The following STEAP4 variants were observed in gnomAD, a reference collection of about 807,000 sequenced individuals.
STEAP4 encodes the protein metalloreductase STEAP4.
In STEAP4, 36 loss-of-function variants were observed where a neutral mutation model predicts 43.6. That is an observed-to-expected ratio of 0.83 (90% CI 0.63 to 1.09). STEAP4 has a LOEUF of 1.09. STEAP4 is among the 50% of genes least tolerant of loss of function. STEAP4 has a pLI of 0.00. For missense variants in STEAP4, 495 were observed against 546.5 expected, an observed-to-expected ratio of 0.91 and a Z score of 0.94; for synonymous variants, 191 against 196.7, an observed-to-expected ratio of 0.97 and a Z score of 0.24.
intron 1 of STEAP4, among the ~76,000 whole-genome samples, chr7:88,287,497 C>T (rs977430558): frequency 1.3e-5 from 2 of 152,088 alleles, no homozygotes; most frequent in Middle Eastern, 3.2e-3. Flanking sequence ...ATGGGAGACA[C>T]GAGTATTATT....
At chr7:88,287,107 G>C (rs1209744890) in intron 1 of STEAP4, among the ~76,000 whole-genome samples, 2 of 152,094 alleles carry the variant, frequency 1.3e-5, no homozygotes, top group Admixed American at 6.6e-5. Flanking sequence ...TAGCTGCCTG[G>C]AATACTCACC....
rs993785012 is a variant in STEAP4, at chr7:88,275,473, T to C, written c.*3925A>G. 2.0e-5 allele frequency: 3 copies of C among 152,140 alleles called. No individual in the cohort carries two copies. The highest frequency in any genetic ancestry group is 2.9e-5 in the Non-Finnish European group (2 of 68,038). The allele number at this position is 152,140 out of a possible 1,614,324, so 9.4% of individuals were successfully genotyped here. On this transcript the variant is annotated 3_prime_UTR_variant, in exon 5 of 5. Transcript: ENST00000380079. ...GCTTCTGATACATTGAAGAGTAACTTATACTCTTTTCCCAAATTCTACTGA... is the reference window on the plus strand; with the variant it reads ...GCTTCTGATACATTGAAGAGTAACTCATACTCTTTTCCCAAATTCTACTGA...
At position 88,304,447 on chromosome 7, in the gene STEAP4, A is replaced by C. The variant is rs183981640; in HGVS notation, c.-3+2345T>G. 3 of 152,312 alleles carry C rather than the reference A, an allele frequency of 2.0e-5. No homozygotes were observed. In the East Asian group the frequency reaches 5.8e-4, roughly 29 times the overall value. The allele number at this position is 152,312 out of a possible 1,614,324, so 9.4% of individuals were successfully genotyped here. ...ACTTACAACAAAAAAACAAACAAAC[A>C]AACAAAATCCCACCCAGAAAACTTC... On this transcript the variant is annotated intron_variant, in intron 1 of 4. Transcript: ENST00000380079.
At chr7:88,303,887 C>G (rs1853081881) in intron 1 of STEAP4, 1 of 152,100 alleles carries the variant, frequency 6.6e-6, no homozygotes, top group African/African-American at 2.4e-5. Context: ...CTGATTTCTT[C>G]TTAACAAAAG....
rs1852684246 is a variant in STEAP4, at chr7:88,284,196, A to G, written c.74T>C (p.Phe25Ser). The G allele has an allele frequency of 1.9e-6, 3 of 1,614,124 alleles. No individual in the cohort carries two copies. The highest frequency in any genetic ancestry group is 1.7e-4 in the Middle Eastern group (1 of 6,058). Residue 25 changes from phenylalanine (F) to serine (S), a missense_variant, in exon 2 of 5, where the codon TTT becomes TCT. Physicochemically the swap from Phe to Ser is radical, Grantham distance 155. Transcript: ENST00000380079. ...SSEKQETVCI[F>S]GTGDFGRSLG... Reference sequence around the variant, plus strand: ...TGATCTTCCAAAATCACCAGTTCCAAAAATACATACAGTCTCTTGCTTTTC... The same window carrying G: ...TGATCTTCCAAAATCACCAGTTCCAGAAATACATACAGTCTCTTGCTTTTC...
intron 1 of STEAP4, among the ~76,000 whole-genome samples, chr7:88,291,689 C>T (rs1446665168): frequency 6.6e-6 from 1 of 151,886 alleles, no homozygotes; most frequent in Non-Finnish European, 1.5e-5. Flanking sequence ...AAAAAGTTTT[C>T]TAGTCCTACT....
In STEAP4 at chr7:88,273,410, A is replaced by G. The variant is rs1269903157; in HGVS notation, c.*5988T>C. 1 of 152,146 alleles carries G rather than the reference A, an allele frequency of 6.6e-6. No homozygotes were observed. The highest frequency in any genetic ancestry group is 1.5e-5 in the Non-Finnish European group (1 of 68,020). 9.4% of individuals were successfully genotyped at this position (152,146 alleles called of 1,614,324 possible). On this transcript the variant is annotated 3_prime_UTR_variant, in exon 5 of 5. Coordinates refer to ENST00000380079, the MANE Select transcript of STEAP4 (RefSeq NM_024636.4). The stretch of plus-strand genomic sequence containing the variant: ...ACAATCTGATACTTTTTGATATACA[A>G]TACTGTGAGTTCCAGTCCAGCAGCC...
chr7:88,292,749 C>T (rs1445802682), intron 1 of STEAP4: 1 of 152,158 alleles, frequency 6.6e-6, no homozygotes. Context: ...TTCTTTATCA[C>T]TACAATTTGG....
At position 88,275,600 on chromosome 7, in the gene STEAP4, G is replaced by GGGGTGTGTGTGT. The variant is rs1382592079; in HGVS notation, c.*3797_*3798insACACACACACCC. 1.5e-4 allele frequency: 22 copies of GGGGTGTGTGTGT among 145,046 alleles called. No homozygotes were observed. The highest frequency in any genetic ancestry group is 4.6e-4 in the African/African-American group (18 of 39,260). 9.0% of individuals were successfully genotyped at this position (145,046 alleles called of 1,614,324 possible). A position where few individuals can be genotyped will look rare whatever the true frequency, so the allele number is the denominator to read the frequency against. The stretch of plus-strand genomic sequence containing the variant: ...TAAGGCTATCTGTGGGCTCTCATGG[G>GGGGTGTGTGTGT]GTGTGTGTGTGTGTGTGTGTGTGTG... On this transcript the variant is annotated 3_prime_UTR_variant, in exon 5 of 5. Transcript: ENST00000380079.
intron 1 of STEAP4, among the ~76,000 whole-genome samples, chr7:88,291,259 G>A (rs988072898): frequency 6.6e-6 from 1 of 151,906 alleles, no homozygotes; most frequent in Non-Finnish European, 1.5e-5. Flanking sequence ...TGGCGTTTGA[G>A]GATCACTTGA....
rs1414321827 is a variant in STEAP4, at chr7:88,274,219, A to G, written c.*5179T>C. 6.6e-6 allele frequency: 1 copy of G among 152,224 alleles called. No individual in the cohort carries two copies. Among genetic ancestry groups the G allele is most frequent in the African/African-American group, 2.4e-5 (1 of 41,454 alleles). The allele number at this position is 152,224 out of a possible 1,614,324, so 9.4% of individuals were successfully genotyped here. A position where few individuals can be genotyped will look rare whatever the true frequency, so the allele number is the denominator to read the frequency against. ...AATAAGGATAAGAAGAGAACCTTAG[A>G]GAACTGTTATGAGGATTAAATAAGA... is the stretch of plus-strand genomic sequence containing the variant. On this transcript the variant is annotated 3_prime_UTR_variant, in exon 5 of 5. Coordinates refer to ENST00000380079, the MANE Select transcript of STEAP4 (RefSeq NM_024636.4).
In STEAP4 at chr7:88,275,445, A is replaced by G. The variant is rs1005188596; in HGVS notation, c.*3953T>C. 2.0e-5 allele frequency: 3 copies of G among 152,180 alleles called. No homozygotes were observed. The highest frequency in any genetic ancestry group is 4.8e-5 in the African/African-American group (2 of 41,418). The allele number at this position is 152,180 out of a possible 1,614,324, so 9.4% of individuals were successfully genotyped here. ...ATTGAAGATGGAGTCACCTGGTCCA[A>G]ATGCTTCTGATACATTGAAGAGTAA... is the stretch of plus-strand genomic sequence containing the variant. On this transcript the variant is annotated 3_prime_UTR_variant, in exon 5 of 5. Coordinates refer to ENST00000380079, the MANE Select transcript of STEAP4 (RefSeq NM_024636.4).
At position 88,280,926 on chromosome 7, in the gene STEAP4, G is replaced by A. The variant is rs558591279; in HGVS notation, c.1138C>T (p.Arg380Ter). The A allele has an allele frequency of 3.1e-6, 5 of 1,603,840 alleles. No individual in the cohort carries two copies. The highest frequency in any genetic ancestry group is 2.2e-5 in the South Asian group (2 of 89,278). ...CTTGAAGTTCTTACCTGGACAAATC[G>A]GAACTCTCTCCAGTTGACTGCATTG... The part of the protein sequence containing the change: ...VSNAVNWREF[R>*]FVQSKLGYLT... Residue 380 changes from arginine to a stop codon, truncating the protein, a stop_gained, in exon 4 of 5, where the codon CGA becomes TGA. Coordinates refer to ENST00000380079, the MANE Select transcript of STEAP4 (RefSeq NM_024636.4). LOFTEE classifies it high-confidence loss of function.
chr7:88,283,138 T>G lies in STEAP4; in HGVS notation c.487A>C (p.Lys163Gln), dbSNP rs1852659218. 1 of 1,561,612 alleles carries G rather than the reference T, an allele frequency of 6.4e-7. No homozygotes were observed. The highest frequency in any genetic ancestry group is 1.4e-5 in the African/African-American group (1 of 72,862). The change falls in exon 3 of 5, where the codon AAG becomes CAG. Residue 163 changes from lysine to glutamine, a missense_variant. Physicochemically the swap from Lys to Gln is moderately conservative, Grantham distance 53. Transcript: ENST00000380079. ...VFVCGNDSKA[K>Q]QRVMDIVRNL... ...CGAACAATATCCATCACTCTTTGCT[T>G]GGCTTTGCTGTCATTTCCACACACA...
chr7:88,279,469 G>A lies in STEAP4; in HGVS notation c.1309C>T (p.Leu437=). The change falls in exon 5 of 5, where the codon CTA becomes TTA. Residue 437 remains leucine, a synonymous_variant. Coordinates refer to ENST00000380079, the MANE Select transcript of STEAP4 (RefSeq NM_024636.4). ...PCTVLVIKFV[L]IMPCVDNTLT... is the part of the protein sequence containing the mutation. ...GTGTTGTCTACACATGGCATGATTA[G>A]GACAAACTTGATCACCAGCACAGTG... 6.2e-7 allele frequency: 1 copy of A among 1,614,094 alleles called. No individual in the cohort carries two copies. Among genetic ancestry groups the A allele is most frequent in the South Asian group, 1.1e-5 (1 of 91,080 alleles).
chr7:88,289,232 C>G (rs1852796782), intron 1 of STEAP4, among the ~76,000 whole-genome samples: 1 of 152,048 alleles, frequency 6.6e-6, no homozygotes, highest in South Asian at 2.1e-4. Context: ...AAAGTTTACT[C>G]TGTGTCCCAG....
At chr7:88,300,255 C>T (rs1437371711) in intron 1 of STEAP4, among the ~76,000 whole-genome samples, 1 of 152,206 alleles carries the variant, frequency 6.6e-6, no homozygotes, top group Non-Finnish European at 1.5e-5. Flanking sequence ...GTCGCCGAAG[C>T]TGGAGTGCAG....
At chr7:88,289,722 C>T (rs533728464) in intron 1 of STEAP4, among the ~76,000 whole-genome samples, 5 of 152,230 alleles carry the variant, frequency 3.3e-5, no homozygotes, top group South Asian at 2.1e-4. Flanking sequence ...AACAAACTGG[C>T]GACTGATATC....
At chr7:88,293,961 T>A (rs1379834232) in intron 1 of STEAP4, among the ~76,000 whole-genome samples, 2 of 152,130 alleles carry the variant, frequency 1.3e-5, no homozygotes, top group Admixed American at 6.6e-5. Flanking sequence ...TTGTCATAAA[T>A]TTTAAAAAAT....
Sources: gnomAD v4.1 joint callset for allele counts (sites outside exome capture counted in the v4.1 genomes callset) on GRCh38, gnomAD v4.1.1 for gene constraint, MANE v1.5 for transcripts, NCBI Gene and HGNC (gene_info 2026-07-23, HGNC 2026-07-21) for gene names.